CHID1: variants seen among roughly 807,000 people sequenced by gnomAD.
The protein encoded by CHID1 is chitinase domain containing 1, also known as chitinase domain-containing protein 1.
In CHID1, 44 loss-of-function variants were observed where a neutral mutation model predicts 55.4. The ratio of observed to expected loss-of-function variants is 0.79; its 90% CI spans 0.62 to 1.02. The LOEUF (loss-of-function observed/expected upper bound fraction) is 1.02. Ranked by LOEUF, CHID1 falls within the 50% of genes least tolerant of loss-of-function variation. The pLI, the probability that CHID1 is intolerant of heterozygous loss-of-function variation, is 0.00. For missense variants in CHID1, 491 were observed against 515.3 expected, an observed-to-expected ratio of 0.95 and a Z score of 0.46; for synonymous variants, 216 against 212.9, an observed-to-expected ratio of 1.01 and a Z score of -0.13.
intron 10 of CHID1, among the ~76,000 whole-genome samples, chr11:879,389 A>G (rs1849732473): frequency 1.0e-5 from 1 of 95,886 alleles, no homozygotes; most frequent in Non-Finnish European, 2.1e-5. Context: ...TCAAGACGTG[A>G]TTAAGTTAAA....
At chr11:898,230 G>C (rs543704140) in intron 7 of CHID1, among the ~76,000 whole-genome samples, 1 of 152,334 alleles carries the variant, frequency 6.6e-6, no homozygotes, top group South Asian at 2.1e-4. Flanking sequence ...GCAGAGCCTG[G>C]ACCTGCAGCT....
chr11:905,542 C>T (rs1224133968), intron 1 of CHID1, among the ~76,000 whole-genome samples: 1 of 152,030 alleles, frequency 6.6e-6, no homozygotes, highest in Non-Finnish European at 1.5e-5. Context: ...TGGTGGCGTG[C>T]ACCTGCAGTC....
chr11:909,016 T>C (rs756472305), intron 1 of CHID1, among the ~76,000 whole-genome samples: 3 of 152,242 alleles, frequency 2.0e-5, no homozygotes, highest in Non-Finnish European at 4.4e-5. Flanking sequence ...CGCTCTGTGA[T>C]GGAGTGCTTG....
At chr11:913,246 G>T (rs1296723221), upstream of CHID1, among the ~76,000 whole-genome samples, 1 of 151,880 alleles carries the variant, frequency 6.6e-6, no homozygotes, top group African/African-American at 2.4e-5. Context: ...CACTTCCTGG[G>T]CTTAAGCAAA....
upstream of CHID1, chr11:911,209 C>T (rs560963083): frequency 6.6e-6 from 1 of 151,862 alleles, no homozygotes; most frequent in African/African-American, 2.4e-5. Flanking sequence ...CACGCTCCCC[C>T]GGGGACCCGG....
At chr11:899,106 G>A (rs905081531) in intron 7 of CHID1, among the ~76,000 whole-genome samples, 4 of 152,218 alleles carry the variant, frequency 2.6e-5, no homozygotes, top group African/African-American at 9.6e-5. Flanking sequence ...CAATGCGCTC[G>A]GAGCCGGCTG....
chr11:902,416 G>A (rs915217577), intron 3 of CHID1, 86 bp from the exon 4 acceptor site: 18 of 1,507,092 alleles, frequency 1.2e-5, no homozygotes, highest in East Asian at 4.6e-5. Flanking sequence ...GCCTCTGGAC[G>A]TGCCCAGGGC....
intron 8 of CHID1, among the ~76,000 whole-genome samples, chr11:887,238 G>C (rs1243017655): frequency 6.6e-6 from 1 of 152,090 alleles, no homozygotes; most frequent in African/African-American, 2.4e-5. Flanking sequence ...ATGTTGCCCA[G>C]GCTGGTCTCA....
At chr11:907,631 A>C (rs1852340879) in intron 1 of CHID1, among the ~76,000 whole-genome samples, 1 of 152,182 alleles carries the variant, frequency 6.6e-6, no homozygotes, top group African/African-American at 2.4e-5. Flanking sequence ...GGCTAGTTTC[A>C]CAGCTCTGGC....
chr11:891,869 C>T (rs1021269565), intron 8 of CHID1, among the ~76,000 whole-genome samples: 4 of 147,326 alleles, frequency 2.7e-5, no homozygotes, highest in Non-Finnish European at 5.9e-5. Context: ...CTTGGGAGGC[C>T]GAGGTGGGAT....
rs1468389732 is a variant in CHID1, at chr11:869,901, C to T, written c.1139G>A (p.Trp380Ter). 6.2e-7 allele frequency: 1 copy of T among 1,612,894 alleles called. No homozygotes were observed. The highest frequency in any genetic ancestry group is 8.5e-7 in the Non-Finnish European group (1 of 1,179,938). The change falls in exon 13 of 13, where the codon TGG becomes TAG. Residue 380 changes from tryptophan (W) to a stop codon, truncating the protein, a stop_gained. Coordinates refer to ENST00000323578, the MANE Select transcript of CHID1 (RefSeq NM_023947.4). LOFTEE classifies it high-confidence loss of function. ...ARELGVGVSI[W>*]ELGQGLDYFY... is the part of the protein sequence containing the mutation. ...GTAGTCCAGGCCCTGGCCCAGCTCC[C>T]AGATAGAGACCCCAACGCCCAGCTC...
intron 7 of CHID1, among the ~76,000 whole-genome samples, 171 bp from the exon 8 acceptor site, chr11:893,690 C>T (rs1468892842): frequency 6.6e-6 from 1 of 151,940 alleles, no homozygotes; most frequent in Non-Finnish European, 1.5e-5. Context: ...GGATGTAGCC[C>T]CAACAACACT....
intron 7 of CHID1, among the ~76,000 whole-genome samples, chr11:897,492 C>T (rs954418586): frequency 2.6e-5 from 4 of 152,224 alleles, no homozygotes; most frequent in South Asian, 2.1e-4. Flanking sequence ...AGGTCAGCCC[C>T]GGCAGGGTCC....
At chr11:882,067 C>T (rs1201059952) in intron 10 of CHID1, among the ~76,000 whole-genome samples, 1 of 151,918 alleles carries the variant, frequency 6.6e-6, no homozygotes, top group Non-Finnish European at 1.5e-5. Flanking sequence ...TGGCTCACCC[C>T]TGTAATCCCA....
chr11:885,609 T>C (rs1850332284), intron 8 of CHID1, among the ~76,000 whole-genome samples: 1 of 152,184 alleles, frequency 6.6e-6, no homozygotes, highest in Non-Finnish European at 1.5e-5. Flanking sequence ...GGCCCTTCTC[T>C]ATAGCCAAGT....
upstream of CHID1, chr11:910,962 C>CGCGCCG (rs1852644063): frequency 2.8e-6 from 1 of 351,700 alleles, no homozygotes; most frequent in Non-Finnish European, 4.0e-6. Flanking sequence ...GGGCCGGGGC[C>CGCGCCG]GGGGCGGGGC....
chr11:905,612 G>T (rs938200876), intron 1 of CHID1, among the ~76,000 whole-genome samples: 5 of 151,828 alleles, frequency 3.3e-5, no homozygotes, highest in Admixed American at 1.3e-4. Context: ...AGAGGTTGCA[G>T]TGAGCCAAGA....
intron 10 of CHID1, among the ~76,000 whole-genome samples, chr11:873,783 T>C (rs1000705649): frequency 1.3e-5 from 2 of 151,936 alleles, no homozygotes; most frequent in African/African-American, 4.8e-5. Context: ...GGCTGTACAA[T>C]TCTGGAAGCG....
intron 7 of CHID1, among the ~76,000 whole-genome samples, chr11:894,271 C>CG (rs1443965024): frequency 1.3e-5 from 2 of 152,078 alleles, no homozygotes. Flanking sequence ...GGCAGGGCAC[C>CG]GGGCAGGGCA....
Sources: allele counts gnomAD v4.1 joint callset (sites outside exome capture counted in the v4.1 genomes callset), GRCh38; gene constraint gnomAD v4.1.1; transcripts MANE v1.5; gene names NCBI Gene and HGNC (gene_info 2026-07-23, HGNC 2026-07-21).